TPD52L1: variants seen among roughly 807,000 people sequenced by gnomAD.
TPD52L1 encodes the protein TPD52 like 1.
A neutral mutation model predicts 28.7 loss-of-function variants in TPD52L1; 18 were observed. That is an observed-to-expected ratio of 0.63 (90% CI 0.43 to 0.93). The LOEUF is 0.93. Among genes scored for constraint, TPD52L1 ranks in the 40% least tolerant of loss-of-function variants. The probability of loss-of-function intolerance (pLI) is 0.00; values close to 1 mark genes in which losing one functional copy is unlikely to be tolerated. For missense variants in TPD52L1, 203 were observed against 254.8 expected (o/e 0.80, Z 1.39); for synonymous variants, 75 against 88.8 (o/e 0.84, Z 0.88).
At chr6:125,205,272 G>A (rs1393815477) in intron 1 of TPD52L1, among the ~76,000 whole-genome samples, 3 of 152,146 alleles carry the variant, frequency 2.0e-5, no homozygotes, top group Admixed American at 6.5e-5. Context: ...TGGTGACCCC[G>A]ACCTGAAAGG....
intron 1 of TPD52L1, among the ~76,000 whole-genome samples, chr6:125,170,674 G>C (rs2114775191): frequency 6.6e-6 from 1 of 152,244 alleles, no homozygotes; most frequent in African/African-American, 2.4e-5. Context: ...CTATGACCCA[G>C]AAGTCTTGTG....
intron 1 of TPD52L1, among the ~76,000 whole-genome samples, chr6:125,176,267 C>T (rs1193659469): frequency 6.6e-6 from 1 of 152,152 alleles, no homozygotes; most frequent in African/African-American, 2.4e-5. Flanking sequence ...AAAACATGTC[C>T]GTATTCTTGT....
At chr6:125,205,487 C>G (rs923090135) in intron 1 of TPD52L1, among the ~76,000 whole-genome samples, 2 of 152,138 alleles carry the variant, frequency 1.3e-5, no homozygotes, top group African/African-American at 2.4e-5. Flanking sequence ...GGGATGGGAC[C>G]AGGGAGGCCT....
rs1429841819 is a variant in TPD52L1, at chr6:125,198,776, G to A, written c.20-21302G>A. On this transcript the variant is annotated intron_variant, in intron 1 of 6. Coordinates refer to ENST00000534000, the MANE Select transcript of TPD52L1 (RefSeq NM_003287.4). The stretch of plus-strand genomic sequence containing the variant: ...TTGTCAATGGCTCAATTTTGGAAAC[G>A]GGCAATGTCTCGAGACAGTGCTGAT... 2.6e-5 allele frequency among the ~76,000 whole-genome samples: 4 copies of A among 152,058 alleles called. No individual in the cohort carries two copies. The East Asian group carries it at 7.7e-4, about 29-fold the overall frequency.
intron 5 of TPD52L1, 47 bp from the exon 6 acceptor site, chr6:125,257,051 A>T: frequency 6.5e-7 from 1 of 1,542,318 alleles, no homozygotes; most frequent in Non-Finnish European, 8.9e-7. Context: ...ATGGTTGCTA[A>T]GACAGCTAGG....
chr6:125,225,768 T>A (rs1460840728), intron 2 of TPD52L1, among the ~76,000 whole-genome samples: 1 of 152,228 alleles, frequency 6.6e-6, no homozygotes, highest in Non-Finnish European at 1.5e-5. Flanking sequence ...AGTTTAGAGT[T>A]TCCATACTCC....
intron 1 of TPD52L1, among the ~76,000 whole-genome samples, chr6:125,172,543 T>A (rs1562214736): frequency 1.0e-5 from 1 of 95,746 alleles, no homozygotes; most frequent in Non-Finnish European, 1.9e-5. Flanking sequence ...TATATATATA[T>A]ATATATATAA....
intron 5 of TPD52L1, among the ~76,000 whole-genome samples, chr6:125,254,466 A>G (rs1051083190): frequency 2.0e-5 from 3 of 152,128 alleles, no homozygotes; most frequent in Admixed American, 1.3e-4. Context: ...TATCAGCTTC[A>G]TCATATTTAA....
intron 3 of TPD52L1, among the ~76,000 whole-genome samples, chr6:125,247,908 T>C (rs1041043737): frequency 1.3e-5 from 2 of 152,238 alleles, no homozygotes; most frequent in African/African-American, 4.8e-5. Flanking sequence ...CTGCATTCTC[T>C]AATTTCTGTG....
intron 1 of TPD52L1, among the ~76,000 whole-genome samples, chr6:125,195,336 T>C (rs1793354278): frequency 6.6e-6 from 1 of 152,236 alleles, no homozygotes; most frequent in Non-Finnish European, 1.5e-5. Context: ...CAACCCTGTG[T>C]GGCTCAGATC....
At chr6:125,260,964 GAAA>G (rs1797930075) in intron 6 of TPD52L1, 4 of 45,232 alleles carry the variant, frequency 8.8e-5, no homozygotes, top group African/African-American at 5.6e-4. Flanking sequence ...AAGAAAGAAA[GAAA>G]GAAAGAAAGA....
chr6:125,226,507 T>C (rs1795620683), intron 2 of TPD52L1, among the ~76,000 whole-genome samples: 1 of 151,768 alleles, frequency 6.6e-6, no homozygotes, highest in Admixed American at 6.6e-5. Flanking sequence ...CCCCTCGTGG[T>C]TTTTAATACA....
At chr6:125,216,569 A>G (rs1035240817) in intron 1 of TPD52L1, among the ~76,000 whole-genome samples, 2 of 139,416 alleles carry the variant, frequency 1.4e-5, no homozygotes, top group African/African-American at 2.6e-5. Flanking sequence ...ATATATATAT[A>G]TATGAAAATA....
intron 1 of TPD52L1, among the ~76,000 whole-genome samples, chr6:125,217,446 G>A (rs1307313676): frequency 1.3e-5 from 2 of 152,196 alleles, no homozygotes; most frequent in East Asian, 3.8e-4. Flanking sequence ...CTCATAAGGA[G>A]CACGCAAGCT....
intron 1 of TPD52L1, among the ~76,000 whole-genome samples, chr6:125,206,855 T>C (rs1794181792): frequency 6.6e-6 from 1 of 152,084 alleles, no homozygotes; most frequent in South Asian, 2.1e-4. Flanking sequence ...ACTTCAGTAG[T>C]GTGAGTATGT....
intron 2 of TPD52L1, among the ~76,000 whole-genome samples, chr6:125,228,182 T>A (rs903423752): frequency 6.6e-6 from 1 of 151,916 alleles, no homozygotes; most frequent in Non-Finnish European, 1.5e-5. Flanking sequence ...GGAAAGAAAG[T>A]CAGTCAGTGG....
At chr6:125,199,478 G>T (rs540672609) in intron 1 of TPD52L1, among the ~76,000 whole-genome samples, 1 of 152,302 alleles carries the variant, frequency 6.6e-6, no homozygotes, top group South Asian at 2.1e-4. Flanking sequence ...CTGAGGTCAG[G>T]AGTTCAAGAC....
intron 3 of TPD52L1, among the ~76,000 whole-genome samples, chr6:125,243,070 G>A (rs1796708607): frequency 6.6e-6 from 1 of 152,094 alleles, no homozygotes; most frequent in African/African-American, 2.4e-5. Context: ...AGTTTTGCTG[G>A]ATACAAAATT....
At chr6:125,188,465 T>G (rs1792800852) in intron 1 of TPD52L1, among the ~76,000 whole-genome samples, 1 of 152,182 alleles carries the variant, frequency 6.6e-6, no homozygotes, top group Admixed American at 6.5e-5. Flanking sequence ...TTAAATATCC[T>G]TCTTAGAAGT....
Sources: allele counts gnomAD v4.1 joint callset (sites outside exome capture counted in the v4.1 genomes callset), GRCh38; gene constraint gnomAD v4.1.1; transcripts MANE v1.5; gene names NCBI Gene and HGNC (gene_info 2026-07-23, HGNC 2026-07-21).